The following MRPS31 variants were observed in gnomAD, a reference collection of about 807,000 sequenced individuals.
MRPS31 encodes small ribosomal subunit protein mS31.
Under a neutral mutation model 43.1 loss-of-function variants are expected in MRPS31, and 32 were observed. The observed-to-expected ratio is 0.74, with a 90% CI of 0.56 to 1.00. The LOEUF (loss-of-function observed/expected upper bound fraction) is 1.00, where lower values mean the gene tolerates loss of function less well. MRPS31 is among the 50% of genes least tolerant of loss of function. MRPS31 has a pLI of 0.00. For synonymous variants in MRPS31, 165 were observed against 161.6 expected, an observed-to-expected ratio of 1.02 and a Z score of -0.16; for missense variants, 437 against 466.7, an observed-to-expected ratio of 0.94 and a Z score of 0.59.
rs1181371399 is a variant in MRPS31, at chr13:40,771,039, A to G, written c.98T>C (p.Leu33Pro). Residue 33 changes from leucine (L) to proline (P), a missense_variant, in exon 1 of 7, where the codon CTA (leucine) becomes CCA (proline). Leu to Pro is a moderately conservative substitution (Grantham distance 98). Coordinates refer to ENST00000323563, the MANE Select transcript of MRPS31 (RefSeq NM_005830.4). ...GACTGTTCCGTGCCGAACAGTGAGT[A>G]GCATAATCGCAGCCGCTGATGTCTC... is the stretch of plus-strand genomic sequence containing the variant. Reference protein sequence around the residue: ...SPETSAAAIMLLTVRHGTVRY... With the variant: ...SPETSAAAIMPLTVRHGTVRY... 1 of 1,614,184 alleles carries G rather than the reference A, an allele frequency of 6.2e-7. No individual in the cohort carries two copies.
chr13:40,747,252 G>T (rs1880265424), intron 6 of MRPS31, among the ~76,000 whole-genome samples: 1 of 151,684 alleles, frequency 6.6e-6, no homozygotes, highest in African/African-American at 2.4e-5. Flanking sequence ...CCTAATACTG[G>T]GTTTTTAAAT....
At chr13:40,769,582 T>C (rs2138021831) in intron 1 of MRPS31, among the ~76,000 whole-genome samples, 1 of 151,736 alleles carries the variant, frequency 6.6e-6, no homozygotes, top group South Asian at 2.1e-4. Flanking sequence ...AAAAACCAAC[T>C]GCATAACTAG....
intron 6 of MRPS31, among the ~76,000 whole-genome samples, chr13:40,731,475 G>A (rs1283129544): frequency 2.6e-5 from 4 of 151,520 alleles, no homozygotes; most frequent in African/African-American, 7.3e-5. Flanking sequence ...CCAGCTACTC[G>A]GGAGGCTGAG....
intron 4 of MRPS31, among the ~76,000 whole-genome samples, chr13:40,755,451 T>A (rs758312235): frequency 2.6e-5 from 4 of 152,232 alleles, no homozygotes; most frequent in Admixed American, 2.6e-4. Context: ...TCTTTTCTAT[T>A]CCTTAAGAAA....
chr13:40,766,509 G>A (rs895870951), intron 2 of MRPS31, among the ~76,000 whole-genome samples: 2 of 151,900 alleles, frequency 1.3e-5, no homozygotes, highest in Non-Finnish European at 2.9e-5. Context: ...GGCCAGGCTG[G>A]TCTCCAAACT....
At chr13:40,743,802 A>G (rs1880166535) in intron 6 of MRPS31, among the ~76,000 whole-genome samples, 1 of 152,240 alleles carries the variant, frequency 6.6e-6, no homozygotes, top group African/African-American at 2.4e-5. Flanking sequence ...AGATTTCTCA[A>G]ATAACTTAAA....
intron 5 of MRPS31, among the ~76,000 whole-genome samples, chr13:40,751,252 T>C (rs1880383541): frequency 6.6e-6 from 1 of 152,220 alleles, no homozygotes; most frequent in South Asian, 2.1e-4. Context: ...TACTTGGTGG[T>C]CACTGACCCA....
intron 6 of MRPS31, among the ~76,000 whole-genome samples, chr13:40,731,792 G>C (rs553446792): frequency 6.6e-6 from 1 of 152,058 alleles, no homozygotes; most frequent in African/African-American, 2.4e-5. Context: ...TAAAAAGGAC[G>C]GTTAATGTTA....
At chr13:40,734,729 C>T (rs746436394) in intron 6 of MRPS31, among the ~76,000 whole-genome samples, 2 of 151,728 alleles carry the variant, frequency 1.3e-5, no homozygotes, top group Non-Finnish European at 2.9e-5. Flanking sequence ...AGTGAGACCT[C>T]GTCTTTAGAA....
chr13:40,747,619 T>C (rs1309915754), intron 6 of MRPS31, among the ~76,000 whole-genome samples: 1 of 152,216 alleles, frequency 6.6e-6, no homozygotes, highest in Non-Finnish European at 1.5e-5. Flanking sequence ...GGCTCAAGCC[T>C]GTAATCCCAG....
intron 3 of MRPS31, among the ~76,000 whole-genome samples, chr13:40,757,850 G>C (rs1880577170): frequency 1.3e-5 from 2 of 149,362 alleles, no homozygotes. Flanking sequence ...GGACTTAAGT[G>C]ATCCTCCCAA....
chr13:40,765,107 TAA>T (rs1397622558), intron 2 of MRPS31, among the ~76,000 whole-genome samples: 1 of 152,208 alleles, frequency 6.6e-6, no homozygotes, highest in Non-Finnish European at 1.5e-5. Flanking sequence ...GACACCTTTT[TAA>T]AACTCAAAAC....
intron 6 of MRPS31, among the ~76,000 whole-genome samples, chr13:40,737,797 G>C (rs1016537320): frequency 6.6e-6 from 1 of 151,852 alleles, no homozygotes; most frequent in African/African-American, 2.4e-5. Context: ...AGTGTGTAGA[G>C]GGAAATTTAT....
At chr13:40,730,962 G>C (rs1879674865) in intron 6 of MRPS31, 1 of 151,990 alleles carries the variant, frequency 6.6e-6, no homozygotes, top group African/African-American at 2.4e-5. Context: ...TGTTCAGGCA[G>C]CTCACAAGAA....
At chr13:40,769,607 G>A (rs780520239) in intron 1 of MRPS31, among the ~76,000 whole-genome samples, 2 of 151,538 alleles carry the variant, frequency 1.3e-5, no homozygotes, top group Non-Finnish European at 2.9e-5. Context: ...CTCATAATCA[G>A]TACACAGGAC....
At chr13:40,745,717 C>T (rs1310178640) in intron 6 of MRPS31, among the ~76,000 whole-genome samples, 4 of 152,090 alleles carry the variant, frequency 2.6e-5, no homozygotes, top group Admixed American at 2.0e-4. Context: ...TCTTCTTTCA[C>T]GGATCATGTT....
At chr13:40,758,320 A>G (rs1458305527) in intron 3 of MRPS31, among the ~76,000 whole-genome samples, 1 of 152,058 alleles carries the variant, frequency 6.6e-6, no homozygotes, top group Admixed American at 6.5e-5. Flanking sequence ...TAGCCTCCCA[A>G]AGTGCTGGGA....
At chr13:40,762,844 T>C (rs1880740885) in intron 2 of MRPS31, among the ~76,000 whole-genome samples, 2 of 146,828 alleles carry the variant, frequency 1.4e-5, no homozygotes, top group South Asian at 4.3e-4. Context: ...GTGTGTGTTG[T>C]ACATATATCT....
intron 6 of MRPS31, among the ~76,000 whole-genome samples, chr13:40,738,999 T>G (rs150292185): frequency 0.034 from 5,110 of 152,254 alleles, 199 homozygotes; most frequent in East Asian, 0.14. Flanking sequence ...AGTCAAATTG[T>G]CCCTGTTTGC....
Sources: allele counts gnomAD v4.1 joint callset (sites outside exome capture counted in the v4.1 genomes callset), GRCh38; gene constraint gnomAD v4.1.1; transcripts MANE v1.5; gene names NCBI Gene and HGNC (gene_info 2026-07-23, HGNC 2026-07-21).